The following DAB1 variants were observed in gnomAD, a reference collection of about 807,000 sequenced individuals.
The protein encoded by DAB1 is disabled homolog 1.
A neutral mutation model predicts 64.6 loss-of-function variants in DAB1; 15 were observed. The observed-to-expected ratio is 0.23, with a 90% CI of 0.16 to 0.36. DAB1 has a LOEUF of 0.36. Among genes scored for constraint, DAB1 ranks in the 10% least tolerant of loss-of-function variants. The pLI, the probability that DAB1 is intolerant of heterozygous loss-of-function variation, is 1.00. For missense variants in DAB1, 596 were observed against 706.7 expected (o/e 0.84, Z 1.78); for synonymous variants, 235 against 251.9 (o/e 0.93, Z 0.64).
rs1000255054 is a variant in DAB1 at position 57,731,432 on chromosome 1, A to C, written n.552-81767T>G. Among the ~76,000 whole-genome samples, 14 of 152,302 alleles carry C rather than the reference A, an allele frequency of 9.2e-5. No homozygotes were observed. In the East Asian group the frequency reaches 1.2e-3, roughly 13 times the overall value. On this transcript the variant is annotated intron_variant and non_coding_transcript_variant, in intron 6 of 20. Coordinates refer to the DAB1 transcript ENST00000485760. ...CACACAACAATGTGAATTCTACAGAACTGTATAATTAAAAATGATCAAAAT... is the reference window on the plus strand; with the variant it reads ...CACACAACAATGTGAATTCTACAGACCTGTATAATTAAAAATGATCAAAAT...
intron 7 of DAB1, among the ~76,000 whole-genome samples, chr1:57,641,515 C>T (rs1646130278): frequency 6.6e-6 from 1 of 151,004 alleles, no homozygotes; most frequent in Non-Finnish European, 1.5e-5. Flanking sequence ...TCCCGAGTAG[C>T]TGGGACTACA....
At chr1:57,957,766 A>G (rs775404049) in intron 5 of DAB1, among the ~76,000 whole-genome samples, 1 of 152,196 alleles carries the variant, frequency 6.6e-6, no homozygotes. Flanking sequence ...CAGAAACCAG[A>G]GGTAGGAAGG....
chr1:57,337,647 T>C (rs960612353), intron 1 of DAB1, among the ~76,000 whole-genome samples: 1 of 152,252 alleles, frequency 6.6e-6, no homozygotes, highest in African/African-American at 2.4e-5. Flanking sequence ...CTGGTTGGTT[T>C]ACTGCTGTAT....
chr1:57,620,863 G>A lies in DAB1; in HGVS notation n.625+28729C>T, dbSNP rs141645145. Among the ~76,000 whole-genome samples the A allele has an allele frequency of 5.6e-3, 856 of 152,294 alleles. 10 individuals are homozygous for A. The highest frequency in any genetic ancestry group is 0.019 in the African/African-American group (769 of 41,556). On this transcript the variant is annotated intron_variant and non_coding_transcript_variant, in intron 7 of 20. Transcript: ENST00000485760. ...CCTAAATCATTAGCAGCAACAGCAC[G>A]CAGAGCTTTGTTTGTGTTGCCTTCT...
At chr1:57,845,812 C>T (rs1653254411) in intron 1 of DAB1, among the ~76,000 whole-genome samples, 1 of 152,176 alleles carries the variant, frequency 6.6e-6, no homozygotes, top group South Asian at 2.1e-4. Context: ...AATCTGCCTT[C>T]CTATAACTTT....
At chr1:57,139,379 C>T (rs1570762631) in intron 3 of DAB1, among the ~76,000 whole-genome samples, 1 of 152,124 alleles carries the variant, frequency 6.6e-6, no homozygotes, top group African/African-American at 2.4e-5. Context: ...TCACTGGACA[C>T]CAAACCTGCT....
chr1:57,919,708 G>A (rs1195445761), intron 5 of DAB1, among the ~76,000 whole-genome samples: 1 of 152,180 alleles, frequency 6.6e-6, no homozygotes. Context: ...GAAGTTTACA[G>A]GAGATAATAA....
chr1:58,480,145 G>A (rs546813349), intron 3 of DAB1, among the ~76,000 whole-genome samples: 8 of 152,140 alleles, frequency 5.3e-5, no homozygotes, highest in African/African-American at 9.6e-5. Context: ...TTCTCTTGTC[G>A]TTTTCCTCCA....
intron 9 of DAB1, chr1:57,033,371 ACC>A: frequency 6.2e-7 from 1 of 1,612,578 alleles, no homozygotes; most frequent in Non-Finnish European, 8.5e-7. Flanking sequence ...TTTAACACAA[ACC>A]TCAAGGCCTT....
At chr1:57,013,704 C>A (rs1370265038) in intron 12 of DAB1, among the ~76,000 whole-genome samples, 1 of 152,168 alleles carries the variant, frequency 6.6e-6, no homozygotes, top group East Asian at 1.9e-4. Flanking sequence ...AAACTCACTG[C>A]AGCATGAGCC....
chr1:57,238,850 C>CACACAT (rs1553159605), intron 2 of DAB1, among the ~76,000 whole-genome samples: 25 of 143,100 alleles, frequency 1.7e-4, no homozygotes, highest in Admixed American at 3.6e-4. Flanking sequence ...CGCACACACA[C>CACACAT]ACACACACAT....
chr1:57,067,592 T>C, intron 8 of DAB1, among the ~76,000 whole-genome samples: 1 of 152,172 alleles, frequency 6.6e-6, no homozygotes, highest in Non-Finnish European at 1.5e-5. Flanking sequence ...TTTCTGAGTC[T>C]TATTATCCTG....
At chr1:57,222,120 T>C (rs1666926347) in intron 2 of DAB1, among the ~76,000 whole-genome samples, 2 of 152,136 alleles carry the variant, frequency 1.3e-5, no homozygotes, top group African/African-American at 2.4e-5. Context: ...TCCTTTTTTT[T>C]CTTTTCTAGC....
At chr1:57,400,035 G>C (rs1683114699) in intron 1 of DAB1, among the ~76,000 whole-genome samples, 2 of 152,158 alleles carry the variant, frequency 1.3e-5, no homozygotes, top group African/African-American at 4.8e-5. Flanking sequence ...TGAAATTATA[G>C]GTAGCTTCTG....
rs116156725 is a variant in DAB1, at chr1:58,009,511, T to C, written n.388-125349A>G. Among the ~76,000 whole-genome samples the C allele has an allele frequency of 6.6e-3, 1,001 of 152,282 alleles. 12 individuals are homozygous for C. The highest frequency in any genetic ancestry group is 0.011 in the Non-Finnish European group (720 of 68,014). ...ATAGTATATGATTGCTTTTAGGATA[T>C]AGGGTTAATAGAGAGATAAAAGGAG... is the stretch of plus-strand genomic sequence containing the variant. On this transcript the variant is annotated intron_variant and non_coding_transcript_variant, in intron 5 of 20. Coordinates refer to the DAB1 transcript ENST00000485760.
chr1:57,177,306 C>G (rs1428390557), intron 2 of DAB1, among the ~76,000 whole-genome samples: 1 of 152,108 alleles, frequency 6.6e-6, no homozygotes, highest in Non-Finnish European at 1.5e-5. Flanking sequence ...CCCTTTGAGT[C>G]AGTCATCTTT....
chr1:57,503,169 T>G (rs1644308917), intron 7 of DAB1, among the ~76,000 whole-genome samples: 1 of 152,216 alleles, frequency 6.6e-6, no homozygotes, highest in Non-Finnish European at 1.5e-5. Flanking sequence ...CTTTCCTGCT[T>G]TATTGGCAAA....
chr1:58,519,434 CAAAG>C (rs1301073465), intron 2 of DAB1, among the ~76,000 whole-genome samples: 1 of 152,066 alleles, frequency 6.6e-6, no homozygotes, highest in Non-Finnish European at 1.5e-5. Flanking sequence ...GAAGCTTCCC[CAAAG>C]AAAGAGCTAG....
intron 4 of DAB1, among the ~76,000 whole-genome samples, chr1:58,181,145 G>A (rs1358128185): frequency 6.6e-6 from 1 of 151,678 alleles, no homozygotes; most frequent in Non-Finnish European, 1.5e-5. Context: ...ACTTGTTTTG[G>A]GACTCTGTTG....
Sources: gnomAD v4.1 joint callset for allele counts (sites outside exome capture counted in the v4.1 genomes callset) on GRCh38, gnomAD v4.1.1 for gene constraint, MANE v1.5 for transcripts, NCBI Gene and HGNC (gene_info 2026-07-23, HGNC 2026-07-21) for gene names.